CYB5R4: variants seen among roughly 807,000 people sequenced by gnomAD.
The protein encoded by CYB5R4 is N-terminal cytochrome b5 and cytochrome b5 oxidoreductase domain-containing protein.
A neutral mutation model predicts 70.2 loss-of-function variants in CYB5R4; 55 were observed. The observed-to-expected ratio is 0.78, with a 90% CI of 0.63 to 0.98. CYB5R4 has a LOEUF of 0.98. Among genes scored for constraint, CYB5R4 ranks in the 50% least tolerant of loss-of-function variants. The probability of loss-of-function intolerance (pLI) is 0.00; values close to 1 mark genes in which losing one functional copy is unlikely to be tolerated. For synonymous variants in CYB5R4, 197 were observed against 199.5 expected (o/e 0.99, Z 0.11); for missense variants, 562 against 612.6 (o/e 0.92, Z 0.87).
At chr6:83,930,211 T>A (rs549736116) in intron 10 of CYB5R4, among the ~76,000 whole-genome samples, 24 of 152,272 alleles carry the variant, frequency 1.6e-4, no homozygotes, top group Non-Finnish European at 1.5e-5. Context: ...AGGGTGGTGG[T>A]TGCTAAAGCT....
intron 9 of CYB5R4, 26 bp from the exon 10 acceptor site, chr6:83,924,444 A>G (rs920509341): frequency 2.5e-6 from 4 of 1,609,082 alleles, no homozygotes; most frequent in Non-Finnish European, 8.5e-7. Context: ...ATCGATGAAC[A>G]CAAATGGAAT....
intron 7 of CYB5R4, among the ~76,000 whole-genome samples, chr6:83,920,368 C>T (rs2099466182): frequency 6.6e-6 from 1 of 152,030 alleles, no homozygotes; most frequent in African/African-American, 2.4e-5. Flanking sequence ...CCAAGATGGC[C>T]AGAGGCACTA....
Position 83,955,408 on chromosome 6 carries a change from C to T in CYB5R4, c.1457C>T (p.Ser486Phe), listed in dbSNP as rs557234776. Residue 486 changes from serine to phenylalanine, a missense_variant, in exon 15 of 16, where the codon TCC becomes TTC. Physicochemically the swap from Ser to Phe is radical, Grantham distance 155. Coordinates refer to ENST00000369681, the MANE Select transcript of CYB5R4 (RefSeq NM_016230.4). ...SEFLKRNLDKSKVLVCICGPV... is the reference protein window; with the variant it reads ...SEFLKRNLDKFKVLVCICGPV... ...TTTTTGAAAAGAAATTTGGACAAAT[C>T]CAAAGTTCTCGTCTGCATTTGTGGA... 6.2e-7 allele frequency: 1 copy of T among 1,613,730 alleles called. No individual in the cohort carries two copies. Among genetic ancestry groups the T allele is most frequent in the Non-Finnish European group, 8.5e-7 (1 of 1,179,912 alleles).
intron 5 of CYB5R4, among the ~76,000 whole-genome samples, chr6:83,914,727 G>T (rs111531516): frequency 6.6e-6 from 1 of 152,010 alleles, no homozygotes; most frequent in African/African-American, 2.4e-5. Context: ...AGTAGAGATG[G>T]GGTTTCACCA....
intron 4 of CYB5R4, chr6:83,910,111 A>T: frequency 6.2e-7 from 1 of 1,605,304 alleles, no homozygotes; most frequent in Non-Finnish European, 8.5e-7. Flanking sequence ...GATAGACACC[A>T]GGACCTATAG....
intron 14 of CYB5R4, among the ~76,000 whole-genome samples, chr6:83,955,063 A>C (rs546698824): frequency 2.8e-4 from 42 of 152,248 alleles, no homozygotes; most frequent in Middle Eastern, 3.4e-3. Context: ...TCAATTTAAA[A>C]AAAAATGCCA....
intron 2 of CYB5R4, among the ~76,000 whole-genome samples, chr6:83,866,050 A>G (rs1363798243): frequency 3.3e-5 from 5 of 152,152 alleles, no homozygotes; most frequent in Admixed American, 2.0e-4. Context: ...ATTGTGCCTG[A>G]GTGTTTTCTG....
At chr6:83,896,920 T>C (rs904241876) in intron 3 of CYB5R4, among the ~76,000 whole-genome samples, 3 of 152,110 alleles carry the variant, frequency 2.0e-5, no homozygotes, top group African/African-American at 7.2e-5. Context: ...TCTTTTTTTT[T>C]TTATTATACT....
At chr6:83,904,573 A>G (rs1441788255) in intron 3 of CYB5R4, among the ~76,000 whole-genome samples, 1 of 152,186 alleles carries the variant, frequency 6.6e-6, no homozygotes, top group African/African-American at 2.4e-5. Context: ...TTTAAATCCA[A>G]TGTTTGTTGA....
At position 83,893,655 on chromosome 6, in the gene CYB5R4, G is replaced by C. The variant is rs747956718; in HGVS notation, c.330+33G>C. The C allele has an allele frequency of 1.2e-5, 15 of 1,222,120 alleles. No homozygotes were observed. The African/African-American group carries it at 1.7e-4, about 13-fold the overall frequency. The allele number at this position is 1,222,120 out of a possible 1,614,324, so 75.7% of individuals were successfully genotyped here. On this transcript the variant is annotated intron_variant, in intron 3 of 15. Transcript: ENST00000369681. ...GTGCTGAAAGTAACCAAAGTATTCC[G>C]GTGGAAGAGTACTCAGATTTATCAG...
rs924748661 is a variant in CYB5R4 at position 83,914,269 on chromosome 6, C to G, written c.413-147C>G. Reference sequence around the variant, plus strand: ...TACTTGTTTAAAACAAAGGCCGTTTCTATATTGGCCTGTTTCTCTCCTCAG... The same window carrying G: ...TACTTGTTTAAAACAAAGGCCGTTTGTATATTGGCCTGTTTCTCTCCTCAG... On this transcript the variant is annotated intron_variant, in intron 4 of 15. Transcript: ENST00000369681. The G allele has an allele frequency of 1.4e-5, 11 of 772,452 alleles. No individual in the cohort carries two copies. The African/African-American group carries it at 1.7e-4, about 12-fold the overall frequency. 47.8% of individuals were successfully genotyped at this position (772,452 alleles called of 1,614,324 possible). A position where few individuals can be genotyped will look rare whatever the true frequency, so the allele number is the denominator to read the frequency against.
At chr6:83,927,313 A>G (rs1451103247) in intron 10 of CYB5R4, among the ~76,000 whole-genome samples, 1 of 152,198 alleles carries the variant, frequency 6.6e-6, no homozygotes, top group Non-Finnish European at 1.5e-5. Context: ...AACCAATTCT[A>G]CAGCAAACTG....
chr6:83,958,273 A>G (rs1448929354), intron 15 of CYB5R4, among the ~76,000 whole-genome samples: 2 of 152,212 alleles, frequency 1.3e-5, no homozygotes, highest in African/African-American at 4.8e-5. Context: ...TTCCAGGACC[A>G]CACTATCTAG....
intron 10 of CYB5R4, among the ~76,000 whole-genome samples, 194 bp downstream of exon 10, chr6:83,924,786 A>G (rs928043790): frequency 1.1e-4 from 17 of 152,146 alleles, no homozygotes; most frequent in African/African-American, 3.6e-4. Flanking sequence ...AGACTCTACT[A>G]TCTAATGTTT....
intron 2 of CYB5R4, among the ~76,000 whole-genome samples, chr6:83,873,899 G>A (rs1243780649): frequency 2.0e-5 from 3 of 152,074 alleles, no homozygotes; most frequent in African/African-American, 4.8e-5. Context: ...AGCAAGGAGA[G>A]GAATGGGAAC....
In CYB5R4 at chr6:83,919,437, A is replaced by G. The variant is rs753671607; in HGVS notation, c.547A>G (p.Ile183Val). Residue 183 changes from isoleucine to valine, a missense_variant, in exon 7 of 16, where the codon ATA becomes GTA. By Grantham distance (29) the Ile-to-Val change is conservative. Transcript: ENST00000369681. Reference sequence around the variant, plus strand: ...AACAGACTCTTTAGTCACCATTGCCATATATACTAAACAGAAGGTAAATAT... The same window carrying G: ...AACAGACTCTTTAGTCACCATTGCCGTATATACTAAACAGAAGGTAAATAT... The part of the protein sequence containing the change: ...FQTDSLVTIA[I>V]YTKQKDINLD... 12 of 1,514,892 alleles carry G rather than the reference A, an allele frequency of 7.9e-6. No homozygotes were observed. Among genetic ancestry groups the G allele is most frequent in the Admixed American group, 3.9e-5 (2 of 51,780 alleles). The allele number at this position is 1,514,892 out of a possible 1,614,324, so 93.8% of individuals were successfully genotyped here.
intron 15 of CYB5R4, 106 bp downstream of exon 15, chr6:83,955,568 A>T: frequency 9.4e-7 from 1 of 1,067,178 alleles, no homozygotes; most frequent in South Asian, 2.1e-5. Flanking sequence ...GCACTTTAAT[A>T]ATCTTACAGT....
chr6:83,914,630 C>T (rs559341275), intron 5 of CYB5R4, among the ~76,000 whole-genome samples, 182 bp downstream of exon 5: 89 of 152,108 alleles, frequency 5.9e-4, no homozygotes, highest in Non-Finnish European at 5.9e-4. Context: ...CTCCACCTCC[C>T]GGGTTCAAGC....
At chr6:83,869,989 A>G (rs1023512012) in intron 2 of CYB5R4, among the ~76,000 whole-genome samples, 1 of 152,148 alleles carries the variant, frequency 6.6e-6, no homozygotes, top group Non-Finnish European at 1.5e-5. Context: ...TATATGTCAG[A>G]TAGGTTTCAT....
Sources: allele counts gnomAD v4.1 joint callset (sites outside exome capture counted in the v4.1 genomes callset), GRCh38; gene constraint gnomAD v4.1.1; transcripts MANE v1.5; gene names NCBI Gene and HGNC (gene_info 2026-07-23, HGNC 2026-07-21).